Variants in LHFPL3 observed in about 807,000 individuals in gnomAD.
LHFPL3 encodes the protein LHFPL tetraspan subfamily member 3.
A neutral mutation model predicts 19.3 loss-of-function variants in LHFPL3; 5 were observed. That is an observed-to-expected ratio of 0.26 (90% CI 0.14 to 0.54). The LOEUF (loss-of-function observed/expected upper bound fraction) is 0.54, where lower values mean the gene tolerates loss of function less well. LHFPL3 is among the 20% of genes least tolerant of loss of function. The pLI is 0.94. For missense variants in LHFPL3, 249 were observed against 307.4 expected (o/e 0.81, Z 1.42); for synonymous variants, 133 against 126.2 (o/e 1.05, Z -0.36).
At chr7:104,396,578 T>C (rs1791189071) in intron 1 of LHFPL3, among the ~76,000 whole-genome samples, 1 of 151,420 alleles carries the variant, frequency 6.6e-6, no homozygotes, top group Non-Finnish European at 1.5e-5. Context: ...CATCCTCTTT[T>C]CTCCAGCCCA....
intron 1 of LHFPL3, among the ~76,000 whole-genome samples, chr7:104,448,667 G>T (rs960756345): frequency 1.3e-5 from 2 of 152,092 alleles, no homozygotes; most frequent in African/African-American, 4.8e-5. Flanking sequence ...AAATCACTTA[G>T]TGTGATTGTT....
chr7:104,695,514 T>G (rs1792981706), intron 1 of LHFPL3, among the ~76,000 whole-genome samples: 1 of 152,192 alleles, frequency 6.6e-6, no homozygotes, highest in Non-Finnish European at 1.5e-5. Context: ...GAAATGCTGA[T>G]GAACAGGAAC....
intron 1 of LHFPL3, among the ~76,000 whole-genome samples, chr7:104,401,887 G>A (rs976218537): frequency 1.3e-5 from 2 of 152,082 alleles, no homozygotes; most frequent in African/African-American, 4.8e-5. Flanking sequence ...AGAGAAAACA[G>A]ACAATACAAA....
intron 2 of LHFPL3, among the ~76,000 whole-genome samples, chr7:104,755,597 C>T (rs534067111): frequency 9.9e-5 from 15 of 151,966 alleles, no homozygotes; most frequent in Non-Finnish European, 2.1e-4. Context: ...CACACACACA[C>T]ACACAGAGAG....
chr7:104,414,026 C>G (rs1470046970), intron 1 of LHFPL3, among the ~76,000 whole-genome samples: 1 of 151,632 alleles, frequency 6.6e-6, no homozygotes, highest in Non-Finnish European at 1.5e-5. Flanking sequence ...TATTACAGTA[C>G]AGAGTGAATA....
chr7:104,648,372 C>G (rs570361247), intron 1 of LHFPL3, among the ~76,000 whole-genome samples: 5 of 152,306 alleles, frequency 3.3e-5, no homozygotes, highest in Non-Finnish European at 7.3e-5. Flanking sequence ...ACAAAGCTCT[C>G]AGATGATGTA....
intron 2 of LHFPL3, among the ~76,000 whole-genome samples, chr7:104,791,298 T>G (rs1019349658): frequency 6.6e-6 from 1 of 152,228 alleles, no homozygotes; most frequent in Admixed American, 6.5e-5. Context: ...ACAAAGCCTG[T>G]GGGCAACATT....
chr7:104,663,710 A>G (rs1476264509), intron 1 of LHFPL3, among the ~76,000 whole-genome samples: 1 of 152,196 alleles, frequency 6.6e-6, no homozygotes, highest in Admixed American at 6.5e-5. Flanking sequence ...GCAGAAAGAG[A>G]CCAACCAGAA....
intron 1 of LHFPL3, among the ~76,000 whole-genome samples, chr7:104,719,254 T>A (rs1044430588): frequency 3.3e-5 from 5 of 152,104 alleles, no homozygotes; most frequent in Non-Finnish European, 5.9e-5. Flanking sequence ...ATATATAAAT[T>A]AATAAAGTAC....
chr7:104,573,684 T>C (rs7780878), intron 1 of LHFPL3, among the ~76,000 whole-genome samples: 43,545 of 152,078 alleles, frequency 0.29, 6,549 homozygotes, highest in African/African-American at 0.38. Flanking sequence ...GGTTGGGAGA[T>C]GCCTGTTACT....
At chr7:104,646,266 C>T (rs1290401629) in intron 1 of LHFPL3, among the ~76,000 whole-genome samples, 1 of 152,204 alleles carries the variant, frequency 6.6e-6, no homozygotes, top group Non-Finnish European at 1.5e-5. Context: ...CGTTGACAAA[C>T]ATGCATTTTA....
chr7:104,768,905 T>C (rs1794504177), intron 2 of LHFPL3: 1 of 152,210 alleles, frequency 6.6e-6, no homozygotes, highest in Non-Finnish European at 1.5e-5. Context: ...TGAAATAAAA[T>C]GGGATGCCTG....
intron 1 of LHFPL3, among the ~76,000 whole-genome samples, chr7:104,582,685 A>G (rs530668142): frequency 3.6e-4 from 55 of 152,118 alleles, no homozygotes; most frequent in African/African-American, 1.3e-3. Flanking sequence ...CTTTTTCTGC[A>G]TCCATTGAGA....
At chr7:104,838,424 A>T (rs534174913) in intron 2 of LHFPL3, among the ~76,000 whole-genome samples, 51 of 152,308 alleles carry the variant, frequency 3.3e-4, no homozygotes, top group Non-Finnish European at 6.6e-4. Context: ...GTCTGATTTC[A>T]TTAGAATCTA....
chr7:104,546,634 A>C (rs1315072694), intron 1 of LHFPL3, among the ~76,000 whole-genome samples: 1 of 152,248 alleles, frequency 6.6e-6, no homozygotes, highest in Non-Finnish European at 1.5e-5. Context: ...TTAATATAGC[A>C]CATTAAATTA....
At chr7:104,536,069 G>T (rs989566372) in intron 1 of LHFPL3, among the ~76,000 whole-genome samples, 1 of 152,208 alleles carries the variant, frequency 6.6e-6, no homozygotes, top group African/African-American at 2.4e-5. Flanking sequence ...ACCTGCATCT[G>T]TAGCTGTAGC....
Position 104,906,266 on chromosome 7 carries a change from A to C in LHFPL3, c.*51A>C. 6.4e-7 allele frequency: 1 copy of C among 1,573,138 alleles called. No individual in the cohort carries two copies. Among genetic ancestry groups the C allele is most frequent in the African/African-American group, 1.3e-5 (1 of 74,240 alleles). ...AAACAAATCGAATAACAGCTAAACGAATCGAATAACAGCTTTTGTACATCA... is the reference window on the plus strand; with the variant it reads ...AAACAAATCGAATAACAGCTAAACGCATCGAATAACAGCTTTTGTACATCA... On this transcript the variant is annotated 3_prime_UTR_variant, in exon 3 of 3. Coordinates refer to ENST00000424859, the MANE Select transcript of LHFPL3 (RefSeq NM_199000.3).
chr7:104,811,121 TTC>T (rs1241038833), intron 2 of LHFPL3, among the ~76,000 whole-genome samples: 5 of 147,476 alleles, frequency 3.4e-5, no homozygotes, highest in African/African-American at 5.0e-5. Flanking sequence ...TTCTCTCTCT[TTC>T]TCTCTCTCTT....
At chr7:104,596,428 A>T (rs1790860331) in intron 1 of LHFPL3, among the ~76,000 whole-genome samples, 1 of 152,202 alleles carries the variant, frequency 6.6e-6, no homozygotes, top group South Asian at 2.1e-4. Context: ...GATGTGGATA[A>T]ATCTCTTAGT....
Sources: allele counts gnomAD v4.1 joint callset (sites outside exome capture counted in the v4.1 genomes callset), GRCh38; gene constraint gnomAD v4.1.1; transcripts MANE v1.5; gene names NCBI Gene and HGNC (gene_info 2026-07-23, HGNC 2026-07-21).